NYAP2: variants seen among roughly 807,000 people sequenced by gnomAD.
NYAP2 encodes the protein neuronal tyrosine-phosphorylated phosphoinositide-3-kinase adaptor 2.
Under a neutral mutation model 50.4 loss-of-function variants are expected in NYAP2, and 23 were observed. That is an observed-to-expected ratio of 0.46 (90% CI 0.33 to 0.65). The LOEUF (loss-of-function observed/expected upper bound fraction) is 0.65. Among genes scored for constraint, NYAP2 ranks in the 30% least tolerant of loss-of-function variants. NYAP2 has a pLI of 0.02. For missense variants in NYAP2, 885 were observed against 861.0 expected (o/e 1.03, Z -0.35); for synonymous variants, 394 against 365.2 (o/e 1.08, Z -0.90).
chr2:225,417,983 T>C (rs1410856504), intron 3 of NYAP2, among the ~76,000 whole-genome samples: 1 of 151,238 alleles, frequency 6.6e-6, no homozygotes, highest in Non-Finnish European at 1.5e-5. Flanking sequence ...ATAGAGTAAG[T>C]GCAAATGTAA....
intron 5 of NYAP2, among the ~76,000 whole-genome samples, chr2:225,623,514 T>C (rs1415124366): frequency 6.6e-6 from 1 of 152,126 alleles, no homozygotes; most frequent in African/African-American, 2.4e-5. Flanking sequence ...AAAGTAACGA[T>C]TTAATGACTA....
chr2:225,604,679 C>T (rs894787470), intron 5 of NYAP2, among the ~76,000 whole-genome samples: 2 of 152,084 alleles, frequency 1.3e-5, no homozygotes, highest in African/African-American at 4.8e-5. Flanking sequence ...AATTGGCTTT[C>T]CCTAAACAAT....
chr2:225,573,596 T>C (rs924302506), intron 4 of NYAP2, among the ~76,000 whole-genome samples: 1 of 152,162 alleles, frequency 6.6e-6, no homozygotes, highest in African/African-American at 2.4e-5. Context: ...TTGGCTTATA[T>C]GGGTGGTTCC....
chr2:225,564,480 C>A (rs1170561207), intron 4 of NYAP2, among the ~76,000 whole-genome samples: 1 of 151,762 alleles, frequency 6.6e-6, no homozygotes, highest in Non-Finnish European at 1.5e-5. Context: ...TAGACGAAAC[C>A]ATTTTCCTCA....
exon 7 of NYAP2, chr2:225,653,444 T>C (rs1370801769): frequency 2.0e-5 from 3 of 152,252 alleles, no homozygotes; most frequent in African/African-American, 7.2e-5. Flanking sequence ...GTTCACCTGA[T>C]GGGAAGTTCT....
intron 4 of NYAP2, among the ~76,000 whole-genome samples, chr2:225,539,204 A>G (rs1321196344): frequency 6.6e-6 from 1 of 152,204 alleles, no homozygotes; most frequent in Non-Finnish European, 1.5e-5. Context: ...ATAGTATTCC[A>G]TGCTGTATAT....
chr2:225,667,724 T>G, the NYAP2 span, among the ~76,000 whole-genome samples: 3 of 152,194 alleles, frequency 2.0e-5, no homozygotes, highest in Non-Finnish European at 4.4e-5. Flanking sequence ...TTAACCCAAA[T>G]GAATCTTCAA....
chr2:225,656,611 A>G (rs939713532), downstream of NYAP2, among the ~76,000 whole-genome samples: 1 of 152,204 alleles, frequency 6.6e-6, no homozygotes, highest in East Asian at 1.9e-4. Context: ...TAGGGGGTCC[A>G]TAGCTTGATG....
At chr2:225,455,943 C>T (rs917728479) in intron 3 of NYAP2, among the ~76,000 whole-genome samples, 1 of 152,128 alleles carries the variant, frequency 6.6e-6, no homozygotes, top group Admixed American at 6.5e-5. Flanking sequence ...GAGTCTGATG[C>T]GTTCATTCTC....
At chr2:225,510,779 TTGTG>T (rs146231874) in intron 3 of NYAP2, among the ~76,000 whole-genome samples, 28 of 148,388 alleles carry the variant, frequency 1.9e-4, no homozygotes, top group African/African-American at 3.2e-4. Context: ...GTTAATGTGT[TTGTG>T]TGTGTGTGTG....
At chr2:225,643,754 C>T (rs907479989) in intron 6 of NYAP2, among the ~76,000 whole-genome samples, 1 of 151,938 alleles carries the variant, frequency 6.6e-6, no homozygotes, top group Non-Finnish European at 1.5e-5. Context: ...TCATCCATGT[C>T]CCTACAAAGG....
chr2:225,666,437 T>C, the NYAP2 span, among the ~76,000 whole-genome samples: 1 of 152,112 alleles, frequency 6.6e-6, no homozygotes. Context: ...GGGTGAAGCT[T>C]GCTTTTATAC....
At chr2:225,699,151 A>C in the NYAP2 span, 2 of 151,874 alleles carry the variant, frequency 1.3e-5, no homozygotes, top group Non-Finnish European at 2.9e-5. Flanking sequence ...TGACAACAAT[A>C]TTTTTGCTAC....
intron 3 of NYAP2, among the ~76,000 whole-genome samples, chr2:225,479,696 C>A (rs1345881313): frequency 6.6e-6 from 1 of 151,656 alleles, no homozygotes; most frequent in Non-Finnish European, 1.5e-5. Context: ...TTTGCATTTG[C>A]AGTCACCTTG....
In NYAP2 at chr2:225,632,843, T is replaced by C. The variant is rs548202390; in HGVS notation, c.1828+5717T>C. On this transcript the variant is annotated intron_variant, in intron 6 of 6. Coordinates refer to ENST00000636099, the Ensembl canonical transcript of NYAP2. ...CACCTACCCCCCACAGACTGTAAAATACAATCTGTGACCCTCAAAAATTTT... is the reference window on the plus strand; with the variant it reads ...CACCTACCCCCCACAGACTGTAAAACACAATCTGTGACCCTCAAAAATTTT... 5.1e-4 allele frequency among the ~76,000 whole-genome samples: 77 copies of C among 152,148 alleles called. 1 individual carries two copies. Among genetic ancestry groups the C allele is most frequent in the Non-Finnish European group, 9.9e-4 (67 of 68,006 alleles).
chr2:225,548,939 T>C (rs146088455), intron 4 of NYAP2, among the ~76,000 whole-genome samples: 45 of 151,534 alleles, frequency 3.0e-4, no homozygotes, highest in African/African-American at 1.1e-3. Context: ...TGGAGTGCAA[T>C]GGCATGATCT....
intron 3 of NYAP2, among the ~76,000 whole-genome samples, chr2:225,463,932 A>G (rs1689875444): frequency 6.6e-6 from 1 of 152,124 alleles, no homozygotes; most frequent in South Asian, 2.1e-4. Flanking sequence ...TGGGATCCTT[A>G]GAGCAGTTGT....
At chr2:225,504,137 T>G (rs890644571) in intron 3 of NYAP2, among the ~76,000 whole-genome samples, 3 of 152,192 alleles carry the variant, frequency 2.0e-5, no homozygotes, top group African/African-American at 7.2e-5. Flanking sequence ...CTCAGGCTGC[T>G]AGGATAAATA....
At chr2:225,451,250 T>A (rs1215167790) in intron 3 of NYAP2, among the ~76,000 whole-genome samples, 1 of 152,166 alleles carries the variant, frequency 6.6e-6, no homozygotes, top group Non-Finnish European at 1.5e-5. Context: ...ACTACCAGGA[T>A]CAATTTGAAA....
Sources: gnomAD v4.1 joint callset for allele counts (sites outside exome capture counted in the v4.1 genomes callset) on GRCh38, gnomAD v4.1.1 for gene constraint, MANE v1.5 for transcripts, NCBI Gene and HGNC (gene_info 2026-07-23, HGNC 2026-07-21) for gene names.